The following EFCAB13 variants were observed in gnomAD, a reference collection of about 807,000 sequenced individuals.
EFCAB13 encodes the protein EF-hand calcium-binding domain-containing protein 13.
EFCAB13 carries 91 observed loss-of-function variants against 110.2 expected under a neutral mutation model. The observed-to-expected ratio is 0.83, with a 90% CI of 0.70 to 0.98. EFCAB13 has a LOEUF of 0.98. Among genes scored for constraint, EFCAB13 ranks in the 50% least tolerant of loss-of-function variants. EFCAB13 has a pLI of 0.00. For missense variants in EFCAB13, 968 were observed against 1,119.4 expected, an observed-to-expected ratio of 0.86 and a Z score of 1.93; for synonymous variants, 323 against 369.9, an observed-to-expected ratio of 0.87 and a Z score of 1.45.
chr17:47,404,450 T>G lies in EFCAB13; in HGVS notation c.2162-112T>G, dbSNP rs1376682349. ...GATGAAAATGAATCTAAAAGTACCTTGTAAATAAAATGTTCGAGAAATATA... is the reference window on the plus strand; with the variant it reads ...GATGAAAATGAATCTAAAAGTACCTGGTAAATAAAATGTTCGAGAAATATA... On this transcript the variant is annotated intron_variant, in intron 19 of 24. Coordinates refer to ENST00000331493, the MANE Select transcript of EFCAB13 (RefSeq NM_152347.5). 4 of 763,168 alleles carry G rather than the reference T, an allele frequency of 5.2e-6. No homozygotes were observed. The African/African-American group carries it at 7.1e-5, about 14-fold the overall frequency. The allele number at this position is 763,168 out of a possible 1,614,324, so 47.3% of individuals were successfully genotyped here. A position where few individuals can be genotyped will look rare whatever the true frequency, so the allele number is the denominator to read the frequency against.
At chr17:47,402,030 T>C (rs2065781680) in intron 17 of EFCAB13, 102 bp from the exon 18 acceptor site, 2 of 819,470 alleles carry the variant, frequency 2.4e-6, no homozygotes, top group Admixed American at 2.0e-5. Context: ...GGAAATATGA[T>C]TCTTAGGAGT....
At position 47,441,118 on chromosome 17, in the gene EFCAB13, C is replaced by T. The variant is rs1313504320; in HGVS notation, c.*404C>T. ...TCATTCTTTGTCCCTCTAGTTTTGCCTTTTGTGGAATATCATGTAAATGAT... is the reference window on the plus strand; with the variant it reads ...TCATTCTTTGTCCCTCTAGTTTTGCTTTTTGTGGAATATCATGTAAATGAT... On this transcript the variant is annotated 3_prime_UTR_variant, in exon 25 of 25. Coordinates refer to ENST00000331493, the MANE Select transcript of EFCAB13 (RefSeq NM_152347.5). 1 of 153,698 alleles carries T rather than the reference C, an allele frequency of 6.5e-6. No homozygotes were observed. The highest frequency in any genetic ancestry group is 1.4e-5 in the Non-Finnish European group (1 of 69,228). 9.5% of individuals were successfully genotyped at this position (153,698 alleles called of 1,614,324 possible).
At chr17:47,342,340 G>T (rs2065390306) in intron 6 of EFCAB13, among the ~76,000 whole-genome samples, 1 of 152,032 alleles carries the variant, frequency 6.6e-6, no homozygotes, top group South Asian at 2.1e-4. Flanking sequence ...GGTGTTCTTT[G>T]GTTTGTGGCA....
At chr17:47,368,906 G>T (rs1309472529) in intron 10 of EFCAB13, among the ~76,000 whole-genome samples, 1 of 152,178 alleles carries the variant, frequency 6.6e-6, no homozygotes, top group Non-Finnish European at 1.5e-5. Flanking sequence ...CAATGCAGGG[G>T]TCACTTTATA....
chr17:47,404,079 C>A, intron 19 of EFCAB13, 58 bp downstream of exon 19: 4 of 1,358,376 alleles, frequency 2.9e-6, no homozygotes, highest in South Asian at 1.4e-5. Flanking sequence ...AGAAGATGTG[C>A]AAGGTCTATA....
intron 9 of EFCAB13, among the ~76,000 whole-genome samples, chr17:47,356,610 G>A (rs2065482084): frequency 6.6e-6 from 1 of 152,226 alleles, no homozygotes; most frequent in South Asian, 2.1e-4. Context: ...ACCAGCACCT[G>A]CACCAATGGA....
intron 10 of EFCAB13, among the ~76,000 whole-genome samples, chr17:47,362,928 C>T (rs184064554): frequency 5.9e-5 from 9 of 152,234 alleles, no homozygotes; most frequent in African/African-American, 2.2e-4. Flanking sequence ...GGGGCCACTA[C>T]CAGTCTCCGC....
At chr17:47,390,970 T>G (rs1179095401) in intron 14 of EFCAB13, among the ~76,000 whole-genome samples, 1 of 151,322 alleles carries the variant, frequency 6.6e-6, no homozygotes, top group Non-Finnish European at 1.5e-5. Flanking sequence ...GAGATGGTCT[T>G]GCTCTGTTGC....
chr17:47,403,884 AG>A lies in EFCAB13; in HGVS notation c.2026del (p.Glu676LysfsTer4). On this transcript the variant is annotated frameshift_variant, in exon 19 of 25. Transcript: ENST00000331493. LOFTEE classifies it high-confidence loss of function. ...MRDAARLEEL[Q>X]EVVLAADLLE... ...ACTTTTTTTCTATTTATAGAGTTAC[AG>A]GAAGTTGTCTTAGCTGCTGATTTGC... 1 of 1,599,662 alleles carries A rather than the reference AG, an allele frequency of 6.3e-7. No homozygotes were observed. The highest frequency in any genetic ancestry group is 8.5e-7 in the Non-Finnish European group (1 of 1,175,014).
At chr17:47,382,900 A>G (rs1333515229) in intron 14 of EFCAB13, among the ~76,000 whole-genome samples, 13 of 152,150 alleles carry the variant, frequency 8.5e-5, no homozygotes, top group Admixed American at 7.9e-4. Context: ...TTAACTCTGA[A>G]TCCATCTGGT....
intron 9 of EFCAB13, among the ~76,000 whole-genome samples, chr17:47,359,780 C>G (rs926233702): frequency 9.4e-6 from 1 of 106,700 alleles, no homozygotes; most frequent in African/African-American, 3.6e-5. Flanking sequence ...CCCCCCTCCC[C>G]CCACCCCACA....
Position 47,389,667 on chromosome 17 carries a change from C to A in EFCAB13, c.1583-1770C>A, listed in dbSNP as rs1180758544. 1.5e-4 allele frequency among the ~76,000 whole-genome samples: 22 copies of A among 148,522 alleles called. 1 individual carries two copies. The highest frequency in any genetic ancestry group is 9.5e-4 in the Admixed American group (14 of 14,796). ...ATAATAGTTGGAAACTCATTCTCTTCTTTTACCTGGGCTTTTTGTATAAAT... is the reference window on the plus strand; with the variant it reads ...ATAATAGTTGGAAACTCATTCTCTTATTTTACCTGGGCTTTTTGTATAAAT... On this transcript the variant is annotated intron_variant, in intron 14 of 24. Transcript: ENST00000331493.
At chr17:47,359,530 T>C (rs1051981322) in intron 9 of EFCAB13, among the ~76,000 whole-genome samples, 2 of 151,398 alleles carry the variant, frequency 1.3e-5, no homozygotes, top group African/African-American at 2.4e-5. Flanking sequence ...TTTTTTTTTT[T>C]TTGTCAAGGC....
At chr17:47,414,994 C>T (rs895173053) in intron 23 of EFCAB13, 75 bp downstream of exon 23, 1 of 1,085,060 alleles carries the variant, frequency 9.2e-7, no homozygotes, top group Non-Finnish European at 1.3e-6. Flanking sequence ...AATGAAAGGT[C>T]CAACAGTGAT....
intron 17 of EFCAB13, among the ~76,000 whole-genome samples, chr17:47,396,986 T>C (rs1325807944): frequency 1.3e-5 from 2 of 152,092 alleles, no homozygotes; most frequent in Non-Finnish European, 1.5e-5. Context: ...CAAAGTATTA[T>C]TTTATGAGAT....
intron 14 of EFCAB13, among the ~76,000 whole-genome samples, chr17:47,388,627 G>T (rs1459614968): frequency 6.6e-6 from 1 of 152,024 alleles, no homozygotes; most frequent in Non-Finnish European, 1.5e-5. Flanking sequence ...ATATTGTATG[G>T]ATATTCTTTA....
chr17:47,363,520 G>A (rs143203086), intron 10 of EFCAB13, among the ~76,000 whole-genome samples: 26 of 150,488 alleles, frequency 1.7e-4, no homozygotes, highest in Admixed American at 5.3e-4. Flanking sequence ...CAAGTAAACC[G>A]AAAATTAAAA....
chr17:47,370,559 T>C, intron 11 of EFCAB13, 51 bp downstream of exon 11: 1 of 1,216,508 alleles, frequency 8.2e-7, no homozygotes, highest in East Asian at 2.4e-5. Flanking sequence ...TTAAAGTCTT[T>C]ACATTAAATC....
chr17:47,391,532 C>T lies in EFCAB13; in HGVS notation c.1678C>T (p.Leu560Phe), dbSNP rs548548060. 7 of 1,590,644 alleles carry T rather than the reference C, an allele frequency of 4.4e-6. No individual in the cohort carries two copies. In the Admixed American group the frequency reaches 1.1e-4, roughly 24 times the overall value. Residue 560 changes from leucine to phenylalanine, a missense_variant, in exon 15 of 25, where the codon CTT becomes TTT. By Grantham distance (22) the Leu-to-Phe change is conservative. Transcript: ENST00000331493. ...NTCLQNFGIY[L>F]SKPEFKKITE... Reference sequence around the variant, plus strand: ...TTGTCTTCAAAATTTTGGTATTTACCTTTCTAAGCCAGAATTTAAGAAGAT... The same window carrying T: ...TTGTCTTCAAAATTTTGGTATTTACTTTTCTAAGCCAGAATTTAAGAAGAT...
Sources: gnomAD v4.1 joint callset for allele counts (sites outside exome capture counted in the v4.1 genomes callset) on GRCh38, gnomAD v4.1.1 for gene constraint, MANE v1.5 for transcripts, NCBI Gene and HGNC (gene_info 2026-07-23, HGNC 2026-07-21) for gene names.